The following CD81 variants were observed in gnomAD, a reference collection of about 807,000 sequenced individuals.
CD81 encodes the protein CD81 antigen.
Under a neutral mutation model 30.1 loss-of-function variants are expected in CD81, and 10 were observed. That is an observed-to-expected ratio of 0.33 (90% CI 0.21 to 0.56). The LOEUF is 0.56. CD81 is among the 20% of genes least tolerant of loss of function. The pLI, the probability that CD81 is intolerant of heterozygous loss-of-function variation, is 0.89. For missense variants in CD81, 263 were observed against 308.7 expected (o/e 0.85, Z 1.11); for synonymous variants, 147 against 126.4 (o/e 1.16, Z -1.10).
At chr11:2,392,125 G>A (rs1849910977) in intron 2 of CD81, 1 of 152,284 alleles carries the variant, frequency 6.6e-6, no homozygotes, top group African/African-American at 2.4e-5. Context: ...CCCTTCTCCA[G>A]GACCTGGGGC....
chr11:2,393,988 A>T, intron 2 of CD81, 107 bp from the exon 3 acceptor site: 3 of 833,056 alleles, frequency 3.6e-6, no homozygotes, highest in Non-Finnish European at 6.3e-6. Flanking sequence ...GCAACCCTAC[A>T]TCTTCCCAGC....
At position 2,396,562 on chromosome 11, in the gene CD81, C is replaced by T. The variant is rs941022929; in HGVS notation, c.562-66C>T. 24 of 1,320,568 alleles carry T rather than the reference C, an allele frequency of 1.8e-5. No individual in the cohort carries two copies. The African/African-American group carries it at 2.6e-4, about 14-fold the overall frequency. The allele number at this position is 1,320,568 out of a possible 1,614,324, so 81.8% of individuals were successfully genotyped here. On this transcript the variant is annotated intron_variant, in intron 6 of 7. Coordinates refer to ENST00000263645, the MANE Select transcript of CD81 (RefSeq NM_004356.4). ...TTTCTGTGGTGACCACGGATTACTG[C>T]GTGACAACGGGAAGCCGGGAGCCGA...
intron 6 of CD81, chr11:2,396,308 G>C: frequency 1.8e-6 from 1 of 570,980 alleles, no homozygotes; most frequent in Non-Finnish European, 3.1e-6. Context: ...GTGCCCTGTG[G>C]AAGTTTCCTG....
At chr11:2,384,923 G>A (rs1849764124) in intron 1 of CD81, among the ~76,000 whole-genome samples, 1 of 152,116 alleles carries the variant, frequency 6.6e-6, no homozygotes, top group Admixed American at 6.5e-5. Flanking sequence ...CCAGGGCCTT[G>A]GGCTGCCCTC....
In CD81 at chr11:2,395,401, G is replaced by A. The variant is rs753373946; in HGVS notation, c.355-15G>A. 1.4e-5 allele frequency: 22 copies of A among 1,599,306 alleles called. No individual in the cohort carries two copies. In the East Asian group the frequency reaches 1.6e-4, roughly 11 times the overall value. ...GGAGGTTCCCCCTGTGCATGTGACC[G>A]CACCCCTCCCCCAGATCGCCAAGGA... On this transcript the variant is annotated splice_polypyrimidine_tract_variant and intron_variant, in intron 4 of 7. Transcript: ENST00000263645.
chr11:2,378,691 G>GC lies in CD81; in HGVS notation c.66+1077dup, dbSNP rs1849644949. 6.6e-6 allele frequency among the ~76,000 whole-genome samples: 1 copy of GC among 152,188 alleles called. No homozygotes were observed. On this transcript the variant is annotated intron_variant, in intron 1 of 7. Coordinates refer to ENST00000263645, the MANE Select transcript of CD81 (RefSeq NM_004356.4). The surrounding 1 kb of genome is among the most constrained non-coding windows in gnomAD (Gnocchi z 4.9). The stretch of plus-strand genomic sequence containing the variant: ...GGCCTCCCCGTGGCCACGCCCCTGG[G>GC]CATAGACTGCAAGCCCCTCCCCGTG...
upstream of CD81, among the ~76,000 whole-genome samples, chr11:2,376,516 G>C (rs1667336991): frequency 1.3e-5 from 2 of 152,216 alleles, no homozygotes; most frequent in African/African-American, 4.8e-5. Flanking sequence ...AAAGCAGTAA[G>C]TGCAGCAGGC....
chr11:2,393,739 TGGGTGGC>T (rs1364868235), intron 2 of CD81: 1 of 599,736 alleles, frequency 1.7e-6, no homozygotes, highest in Admixed American at 2.9e-5. Flanking sequence ...GTGAAGGCGG[TGGGTGGC>T]GGGTGGCAGG....
At position 2,395,831 on chromosome 11, in the gene CD81, C is replaced by A. The variant is rs1263215347; in HGVS notation, c.460-38C>A. On this transcript the variant is annotated intron_variant, in intron 5 of 7. Coordinates refer to ENST00000263645, the MANE Select transcript of CD81 (RefSeq NM_004356.4). ...TCCCTAGAGCCACCGTCCCCCTGGGCACATCCAGGGCTGACCTTGCACCCC... is the reference window on the plus strand; with the variant it reads ...TCCCTAGAGCCACCGTCCCCCTGGGAACATCCAGGGCTGACCTTGCACCCC... The A allele has an allele frequency of 2.8e-6, 4 of 1,407,720 alleles. No individual in the cohort carries two copies. The African/African-American group carries it at 5.6e-5, about 20-fold the overall frequency. 87.2% of individuals were successfully genotyped at this position (1,407,720 alleles called of 1,614,324 possible).
chr11:2,377,295 GC>G (rs1849610524), upstream of CD81: 1 of 151,840 alleles, frequency 6.6e-6, no homozygotes, highest in Non-Finnish European at 1.5e-5. This position sits in a 1 kb window ranked among gnomAD's most constrained non-coding sequence, Gnocchi z 7.7. Flanking sequence ...GTACTGCGGA[GC>G]GAGGCGCGCG....
intron 1 of CD81, among the ~76,000 whole-genome samples, chr11:2,381,971 T>C (rs55834844): frequency 0.043 from 6,546 of 152,228 alleles, 454 homozygotes; most frequent in African/African-American, 0.15. Context: ...ACACCATTCT[T>C]TGTGTTTCTG....
Position 2,377,630 on chromosome 11 carries a change from G to T in CD81, c.66+15G>T. The T allele has an allele frequency of 6.6e-7, 1 of 1,510,668 alleles. No homozygotes were observed. The highest frequency in any genetic ancestry group is 1.2e-5 in the South Asian group (1 of 83,574). The allele number at this position is 1,510,668 out of a possible 1,614,324, so 93.6% of individuals were successfully genotyped here. A position where few individuals can be genotyped will look rare whatever the true frequency, so the allele number is the denominator to read the frequency against. On this transcript the variant is annotated intron_variant, in intron 1 of 7. Coordinates refer to ENST00000263645, the MANE Select transcript of CD81 (RefSeq NM_004356.4). The surrounding 1 kb of genome is among the most constrained non-coding windows in gnomAD (Gnocchi z 7.7). ...TCGTCTTCTGGGTAAGGGCTGCGCC[G>T]GGGGCCGGGGCGGGAGGGGGCAGGC...
At chr11:2,383,956 C>T (rs989317476) in intron 1 of CD81, among the ~76,000 whole-genome samples, 15 of 152,284 alleles carry the variant, frequency 9.9e-5, no homozygotes, top group African/African-American at 3.1e-4. Context: ...CCGGGGCCTG[C>T]GGGGGCAGCG....
At chr11:2,393,265 G>A (rs2074240) in intron 2 of CD81, 15,860 of 152,628 alleles carry the variant, frequency 0.1, 2,380 homozygotes, top group African/African-American at 0.34. Flanking sequence ...CAGCTGTCCC[G>A]CGGGTACAGG....
Position 2,377,705 on chromosome 11 carries a change from G to C in CD81, c.66+90G>C, listed in dbSNP as rs1400218588. ...CGCGGCAGCGTGCTAGGCCCCGCGG[G>C]CGCAGCGCGGGCCGCGAAGTTGTGG... On this transcript the variant is annotated intron_variant, in intron 1 of 7. Transcript: ENST00000263645. The surrounding 1 kb of genome is among the most constrained non-coding windows in gnomAD (Gnocchi z 7.7). 1.5e-5 allele frequency: 12 copies of C among 809,954 alleles called. No individual in the cohort carries two copies. The highest frequency in any genetic ancestry group is 1.9e-5 in the African/African-American group (1 of 53,794). The allele number at this position is 809,954 out of a possible 1,614,324, so 50.2% of individuals were successfully genotyped here.
rs766888066 is a variant in CD81 at position 2,395,861 on chromosome 11, C to G, written c.460-8C>G. On this transcript the variant is annotated splice_region_variant and splice_polypyrimidine_tract_variant and intron_variant, in intron 5 of 7. Transcript: ENST00000263645. The stretch of plus-strand genomic sequence containing the variant: ...CCAGGGCTGACCTTGCACCCCTGCT[C>G]TCTGCAGCTTGACTGCTGTGGCTCC... The G allele has an allele frequency of 1.2e-6, 2 of 1,602,350 alleles. No individual in the cohort carries two copies. Among genetic ancestry groups the G allele is most frequent in the East Asian group, 2.2e-5 (1 of 44,820 alleles).
At chr11:2,388,582 G>A (rs1443253476) in intron 1 of CD81, among the ~76,000 whole-genome samples, 2 of 152,218 alleles carry the variant, frequency 1.3e-5, no homozygotes, top group Non-Finnish European at 2.9e-5. Context: ...TGGTGGGGTC[G>A]GCGCCTGGTG....
At chr11:2,379,300 G>C (rs1225323943) in intron 1 of CD81, 4 of 436,944 alleles carry the variant, frequency 9.2e-6, no homozygotes, top group Middle Eastern at 1.4e-3. Flanking sequence ...GGGGCCGAGG[G>C]AGGGTGTAGG....
At chr11:2,377,277 C>T (rs1359846338), upstream of CD81, 1 of 151,546 alleles carries the variant, frequency 6.6e-6, no homozygotes, top group Admixed American at 6.6e-5. The surrounding 1 kb of genome is among the most constrained non-coding windows in gnomAD (Gnocchi z 7.7). Context: ...GACCGCGGCG[C>T]CCTATAAGTA....
Sources: gnomAD v4.1 joint callset for allele counts (sites outside exome capture counted in the v4.1 genomes callset) on GRCh38, gnomAD v4.1.1 for gene constraint, Gnocchi (gnomAD v3.1) non-coding constraint, MANE v1.5 for transcripts, NCBI Gene and HGNC (gene_info 2026-07-23, HGNC 2026-07-21) for gene names.